RRAS2: variants seen among roughly 807,000 people sequenced by gnomAD.
RRAS2 encodes ras-related protein R-Ras2.
In RRAS2, 7 loss-of-function variants were observed where a neutral mutation model predicts 27.6. The observed-to-expected ratio is 0.25, with a 90% CI of 0.14 to 0.48. RRAS2 has a LOEUF of 0.48. Ranked by LOEUF, RRAS2 falls within the 20% of genes least tolerant of loss-of-function variation. RRAS2 has a pLI of 0.99. For missense variants in RRAS2, 178 were observed against 256.2 expected, an observed-to-expected ratio of 0.69 and a Z score of 2.08; for synonymous variants, 86 against 90.9, an observed-to-expected ratio of 0.95 and a Z score of 0.31.
intron 4 of RRAS2, among the ~76,000 whole-genome samples, chr11:14,289,718 A>G (rs1849758441): frequency 1.3e-5 from 2 of 152,334 alleles, no homozygotes; most frequent in Admixed American, 6.5e-5. Context: ...AATGGATGGA[A>G]GGATGAAAGA....
chr11:14,309,694 G>A (rs954783758), intron 1 of RRAS2, among the ~76,000 whole-genome samples: 6 of 152,194 alleles, frequency 3.9e-5, no homozygotes, highest in African/African-American at 9.7e-5. Flanking sequence ...AAGGCAGTGC[G>A]GTGAGAGTAC....
intron 1 of RRAS2, among the ~76,000 whole-genome samples, chr11:14,342,744 C>A (rs1848742677): frequency 6.6e-6 from 1 of 152,088 alleles, no homozygotes; most frequent in South Asian, 2.1e-4. Flanking sequence ...TATCTAGATA[C>A]TAGCTACTTA....
intron 1 of RRAS2, among the ~76,000 whole-genome samples, chr11:14,335,034 C>G (rs16913833): frequency 6.6e-6 from 1 of 152,178 alleles, no homozygotes; most frequent in Non-Finnish European, 1.5e-5. Flanking sequence ...TCCAAACTTA[C>G]AATTTTCACC....
intron 5 of RRAS2, among the ~76,000 whole-genome samples, chr11:14,280,675 G>A (rs954624341): frequency 2.4e-5 from 3 of 124,000 alleles, no homozygotes; most frequent in African/African-American, 6.3e-5. Flanking sequence ...GTAATGAGCC[G>A]AGATCACACC....
intron 1 of RRAS2, among the ~76,000 whole-genome samples, chr11:14,335,066 A>C: frequency 6.6e-6 from 1 of 152,220 alleles, no homozygotes; most frequent in East Asian, 1.9e-4. Flanking sequence ...TACCAATCTA[A>C]GACCTGTGAC....
At position 14,317,841 on chromosome 11, in the gene RRAS2, G is replaced by A. The variant is rs540257515; in HGVS notation, c.109-21986C>T. ...AGCAAGTCAGGAAGCCAAGGCTGGA[G>A]GATCAATTCAGCCCAGGAGTGCAAG... On this transcript the variant is annotated intron_variant, in intron 1 of 5. Transcript: ENST00000256196. 3.3e-5 allele frequency among the ~76,000 whole-genome samples: 5 copies of A among 152,288 alleles called. No homozygotes were observed. In the East Asian group the frequency reaches 5.8e-4, roughly 18 times the overall value.
chr11:14,296,369 C>T (rs1175080816), intron 1 of RRAS2, among the ~76,000 whole-genome samples: 7 of 152,168 alleles, frequency 4.6e-5, no homozygotes, highest in Admixed American at 6.5e-5. Context: ...AGCACCTTCA[C>T]GTGAAGAAAA....
chr11:14,333,784 C>T (rs777496697), intron 1 of RRAS2, among the ~76,000 whole-genome samples: 2 of 152,030 alleles, frequency 1.3e-5, no homozygotes, highest in African/African-American at 2.4e-5. Context: ...GCTGCAACCA[C>T]GGGCACGTGC....
At chr11:14,356,773 T>C (rs1183564159) in intron 1 of RRAS2, 2 of 451,296 alleles carry the variant, frequency 4.4e-6, no homozygotes, top group East Asian at 1.4e-4. Flanking sequence ...AATGATTCTA[T>C]AAATTATTAG....
chr11:14,335,211 T>G (rs1848566141), intron 1 of RRAS2, among the ~76,000 whole-genome samples: 1 of 152,212 alleles, frequency 6.6e-6, no homozygotes, highest in Non-Finnish European at 1.5e-5. Flanking sequence ...AGAGTCCCTT[T>G]TAATGGCAGG....
chr11:14,325,607 ATATTTT>A (rs1429019213), intron 1 of RRAS2, among the ~76,000 whole-genome samples: 26 of 152,264 alleles, frequency 1.7e-4, no homozygotes, highest in Admixed American at 5.9e-4. Context: ...CTTCCTTTCA[ATATTTT>A]TATTTTAGAA....
intron 2 of RRAS2, 72 bp downstream of exon 2, chr11:14,295,696 T>C (rs1430723200): frequency 6.1e-6 from 7 of 1,138,972 alleles, no homozygotes; most frequent in African/African-American, 4.7e-5. Context: ...TTATTTAACA[T>C]AGCAAAACAT....
chr11:14,358,651 C>T lies in RRAS2; in HGVS notation c.108+112G>A, dbSNP rs1341737412. The T allele has an allele frequency of 8.0e-5, 79 of 981,698 alleles. No individual in the cohort carries two copies. Among genetic ancestry groups the T allele is most frequent in the Non-Finnish European group, 9.1e-5 (75 of 825,398 alleles). 60.8% of individuals were successfully genotyped at this position (981,698 alleles called of 1,614,324 possible). A position where few individuals can be genotyped will look rare whatever the true frequency, so the allele number is the denominator to read the frequency against. Reference sequence around the variant, plus strand: ...CGCCCTCCCGCCCCCTGGCCCCGGCCCGGGCCCGCGAGGCGCCTCTGGGGC... The same window carrying T: ...CGCCCTCCCGCCCCCTGGCCCCGGCTCGGGCCCGCGAGGCGCCTCTGGGGC... On this transcript the variant is annotated intron_variant, in intron 1 of 5. Coordinates refer to ENST00000256196, the MANE Select transcript of RRAS2 (RefSeq NM_012250.6). The surrounding 1 kb of genome is among the most constrained non-coding windows in gnomAD (Gnocchi z 5.1).
intron 1 of RRAS2, among the ~76,000 whole-genome samples, chr11:14,336,172 C>A (rs1028746303): frequency 6.6e-6 from 1 of 152,204 alleles, no homozygotes; most frequent in Non-Finnish European, 1.5e-5. Context: ...AGCGTCCCCA[C>A]ATTTTGGACT....
chr11:14,280,949 G>C (rs957660873), intron 5 of RRAS2, among the ~76,000 whole-genome samples: 1 of 152,050 alleles, frequency 6.6e-6, no homozygotes. Context: ...AACACCTTAA[G>C]CTTCCTGGAA....
At chr11:14,300,654 G>C (rs541355938) in intron 1 of RRAS2, among the ~76,000 whole-genome samples, 1 of 152,248 alleles carries the variant, frequency 6.6e-6, no homozygotes, top group East Asian at 1.9e-4. Context: ...ATAATATTAT[G>C]CTGGGATAAG....
intron 4 of RRAS2, among the ~76,000 whole-genome samples, chr11:14,289,823 G>A (rs896884202): frequency 3.9e-5 from 6 of 152,142 alleles, no homozygotes; most frequent in Admixed American, 3.9e-4. Context: ...AGAATCTCAG[G>A]AGCCAGTGGT....
At chr11:14,322,900 G>A (rs2133998915) in intron 1 of RRAS2, among the ~76,000 whole-genome samples, 1 of 152,168 alleles carries the variant, frequency 6.6e-6, no homozygotes, top group East Asian at 1.9e-4. Context: ...TGACCACTAA[G>A]ATCTTAAGAG....
chr11:14,308,628 C>T (rs550472750), intron 1 of RRAS2, among the ~76,000 whole-genome samples: 11 of 152,146 alleles, frequency 7.2e-5, no homozygotes, highest in Non-Finnish European at 1.6e-4. Flanking sequence ...TGCTTGAAGC[C>T]CTACCTCTGC....
Sources: allele counts gnomAD v4.1 joint callset (sites outside exome capture counted in the v4.1 genomes callset), GRCh38; gene constraint gnomAD v4.1.1; non-coding constraint Gnocchi (gnomAD v3.1); transcripts MANE v1.5; gene names NCBI Gene and HGNC (gene_info 2026-07-23, HGNC 2026-07-21).